EPAS1: variants seen among roughly 807,000 people sequenced by gnomAD.
EPAS1 encodes endothelial PAS domain-containing protein 1.
Under a neutral mutation model 87.9 loss-of-function variants are expected in EPAS1, and 23 were observed. The ratio of observed to expected loss-of-function variants is 0.26; its 90% CI spans 0.19 to 0.37. EPAS1 has a LOEUF of 0.37. Among genes scored for constraint, EPAS1 ranks in the 10% least tolerant of loss-of-function variants. The probability of loss-of-function intolerance (pLI) is 1.00; values close to 1 mark genes in which losing one functional copy is unlikely to be tolerated. For missense variants in EPAS1, 1,138 were observed against 1,120.7 expected (o/e 1.02, Z -0.22); for synonymous variants, 508 against 444.3 (o/e 1.14, Z -1.80).
In EPAS1 at chr2:46,375,190, C is replaced by CA. The variant is rs111768510; in HGVS notation, c.887-491dup. Among the ~76,000 whole-genome samples, 3,599 of 135,258 alleles carry CA rather than the reference C, an allele frequency of 0.027. 132 individuals carry two copies. Among genetic ancestry groups the CA allele is most frequent in the Middle Eastern group, 0.059 (15 of 256 alleles). The allele number at this position is 135,258 out of a possible 152,430, so 88.7% of individuals were successfully genotyped here. A position where few individuals can be genotyped will look rare whatever the true frequency, so the allele number is the denominator to read the frequency against. ...TGGTGGGTCTGCTGAAAAAAAAAAA[C>CA]AAAAAAAAACAAAAAAAACTGCCCT... On this transcript the variant is annotated intron_variant, in intron 7 of 15. Coordinates refer to ENST00000263734, the MANE Select transcript of EPAS1 (RefSeq NM_001430.5). This position sits in a 1 kb window ranked among gnomAD's most constrained non-coding sequence, Gnocchi z 4.1.
intron 6 of EPAS1, among the ~76,000 whole-genome samples, chr2:46,367,793 C>T (rs1409127561): frequency 6.6e-6 from 1 of 152,164 alleles, no homozygotes; most frequent in Non-Finnish European, 1.5e-5. Flanking sequence ...GCTTTAACCC[C>T]CAAATTCTCA....
At chr2:46,323,731 A>T (rs887794563) in intron 1 of EPAS1, among the ~76,000 whole-genome samples, 1 of 151,674 alleles carries the variant, frequency 6.6e-6, no homozygotes, top group African/African-American at 2.4e-5. Context: ...AGAAAGTAAT[A>T]TTTTTTTTTC....
chr2:46,374,750 T>G (rs1191140358), intron 7 of EPAS1, among the ~76,000 whole-genome samples: 1 of 152,176 alleles, frequency 6.6e-6, no homozygotes, highest in East Asian at 1.9e-4. Flanking sequence ...ATTATTAGAC[T>G]TTAAAGAGAT....
chr2:46,363,284 G>A (rs1276056237), intron 6 of EPAS1, among the ~76,000 whole-genome samples: 1 of 152,152 alleles, frequency 6.6e-6, no homozygotes, highest in Non-Finnish European at 1.5e-5. Context: ...TGCTGGGGAT[G>A]ATGAAAGTCA....
Position 46,297,626 on chromosome 2 carries a change from C to A in EPAS1, c.-286C>A. The A allele has an allele frequency of 4.1e-6, 2 of 485,000 alleles. No homozygotes were observed. Among genetic ancestry groups the A allele is most frequent in the South Asian group, 4.6e-5 (2 of 43,574 alleles). The allele number at this position is 485,000 out of a possible 1,614,324, so 30.0% of individuals were successfully genotyped here. ...TCCAGGGAAAAAGGAACTTGGGTTC[C>A]CTTCTCTCCGTCCTCTTTTCGGGTC... On this transcript the variant is annotated 5_prime_UTR_variant, in exon 1 of 16. Coordinates refer to ENST00000263734, the MANE Select transcript of EPAS1 (RefSeq NM_001430.5).
chr2:46,376,865 G>GC, intron 9 of EPAS1, 112 bp downstream of exon 9: 3 of 1,115,590 alleles, frequency 2.7e-6, no homozygotes, highest in Middle Eastern at 2.8e-4. Flanking sequence ...AGCTACCCCA[G>GC]CCCCCCAAGT....
intron 7 of EPAS1, among the ~76,000 whole-genome samples, chr2:46,374,483 C>A (rs969852950): frequency 2.0e-5 from 3 of 152,196 alleles, no homozygotes; most frequent in Admixed American, 6.5e-5. Flanking sequence ...ATCCTCAGTA[C>A]AAATGGCAGT....
intron 1 of EPAS1, among the ~76,000 whole-genome samples, chr2:46,325,528 A>G (rs1465733103): frequency 1.3e-5 from 2 of 152,194 alleles, no homozygotes; most frequent in African/African-American, 4.8e-5. Context: ...TAGTAGTTCA[A>G]CTGAGAATCC....
At chr2:46,318,584 G>A (rs77824526) in intron 1 of EPAS1, among the ~76,000 whole-genome samples, 3,765 of 152,254 alleles carry the variant, frequency 0.025, 64 homozygotes, top group Non-Finnish European at 0.033. Flanking sequence ...TTTTTATTAA[G>A]TTCCCATATT....
Position 46,371,250 on chromosome 2 carries a change from C to G in EPAS1, c.886+1317C>G, listed in dbSNP as rs189523436. 1.5e-3 allele frequency among the ~76,000 whole-genome samples: 231 copies of G among 152,246 alleles called. No homozygotes were observed. The highest frequency in any genetic ancestry group is 5.2e-3 in the African/African-American group (215 of 41,548). ...ATGGCTCCTAAATCCACCCATCTAC[C>G]CCAAGGCTAAGACAGCCAAGTTCAG... On this transcript the variant is annotated intron_variant, in intron 7 of 15. Coordinates refer to ENST00000263734, the MANE Select transcript of EPAS1 (RefSeq NM_001430.5). The surrounding 1 kb of genome is among the most constrained non-coding windows in gnomAD (Gnocchi z 4.3).
At chr2:46,353,532 T>C (rs1684212299) in intron 2 of EPAS1, among the ~76,000 whole-genome samples, 1 of 152,218 alleles carries the variant, frequency 6.6e-6, no homozygotes, top group Non-Finnish European at 1.5e-5. Context: ...TCAGAAATGT[T>C]TCTTTCAGCC....
In EPAS1 at chr2:46,376,761, C is replaced by A; in HGVS notation, c.1249+8C>A. ...TCATCTCTCTGGATTTCGGTGGGTG[C>A]TTCTTAGCTAAGCCAGGCCCCTGGA... is the stretch of plus-strand genomic sequence containing the variant. On this transcript the variant is annotated splice_region_variant and intron_variant, in intron 9 of 15. Transcript: ENST00000263734. 6.2e-7 allele frequency: 1 copy of A among 1,611,892 alleles called. No homozygotes were observed. The highest frequency in any genetic ancestry group is 8.5e-7 in the Non-Finnish European group (1 of 1,179,856).
In EPAS1 at chr2:46,375,873, G is replaced by T; in HGVS notation, c.1034+36G>T. The T allele has an allele frequency of 6.2e-7, 1 of 1,613,700 alleles. No individual in the cohort carries two copies. ...GAGGGCTGGCGGGCCTTGGTGCAGGGTATGTGGGGGTGCCCAAGCTTCCCA... is the reference window on the plus strand; with the variant it reads ...GAGGGCTGGCGGGCCTTGGTGCAGGTTATGTGGGGGTGCCCAAGCTTCCCA... On this transcript the variant is annotated intron_variant, in intron 8 of 15. Transcript: ENST00000263734. The surrounding 1 kb of genome is among the most constrained non-coding windows in gnomAD (Gnocchi z 4.1).
chr2:46,377,947 A>C lies in EPAS1; in HGVS notation c.1303A>C (p.Ser435Arg). The C allele has an allele frequency of 6.4e-7, 1 of 1,559,634 alleles. No homozygotes were observed. The highest frequency in any genetic ancestry group is 8.7e-7 in the Non-Finnish European group (1 of 1,151,406). ...SAYGKAILPP[S>R]QPWATELRSH... ...CTATGGCAAGGCCATCCTGCCCCCG[A>C]GCCAGCCATGGGCCACGGAGTTGAG... Residue 435 changes from serine to arginine, a missense_variant, in exon 10 of 16, where the codon AGC becomes CGC. Physicochemically the swap from Ser to Arg is moderately radical, Grantham distance 110. Transcript: ENST00000263734.
At chr2:46,357,658 G>A (rs1051300329) in intron 4 of EPAS1, among the ~76,000 whole-genome samples, 1 of 152,222 alleles carries the variant, frequency 6.6e-6, no homozygotes, top group East Asian at 1.9e-4. Flanking sequence ...GGCATGGCTT[G>A]TTGGAGCTAC....
chr2:46,332,285 A>AAAT (rs1683695219), intron 1 of EPAS1, among the ~76,000 whole-genome samples: 1 of 138,676 alleles, frequency 7.2e-6, no homozygotes, highest in African/African-American at 2.7e-5. Flanking sequence ...AAAAAAAAAA[A>AAAT]AAATACGTGT....
At chr2:46,367,877 A>G (rs1022309593) in intron 6 of EPAS1, among the ~76,000 whole-genome samples, 1 of 152,248 alleles carries the variant, frequency 6.6e-6, no homozygotes, top group African/African-American at 2.4e-5. Context: ...AAGGATGGAT[A>G]GACTATCATG....
At chr2:46,318,633 C>G (rs1300903475) in intron 1 of EPAS1, among the ~76,000 whole-genome samples, 1 of 152,180 alleles carries the variant, frequency 6.6e-6, no homozygotes, top group East Asian at 1.9e-4. Context: ...GTGTTGTACC[C>G]TAACCTCTTC....
In EPAS1 at chr2:46,337,858, T is replaced by C. The variant is rs1194486892; in HGVS notation, c.27-9015T>C. Among the ~76,000 whole-genome samples the C allele has an allele frequency of 3.9e-5, 6 of 152,306 alleles. No homozygotes were observed. The East Asian group carries it at 1.2e-3, about 29-fold the overall frequency. ...CTCCGCAAGCAAAGCACAAACCTTT[T>C]TTTTTTCTTTTTCTTTTAAAGACAG... On this transcript the variant is annotated intron_variant, in intron 1 of 15. Coordinates refer to ENST00000263734, the MANE Select transcript of EPAS1 (RefSeq NM_001430.5).
Sources: allele counts gnomAD v4.1 joint callset (sites outside exome capture counted in the v4.1 genomes callset), GRCh38; gene constraint gnomAD v4.1.1; non-coding constraint Gnocchi (gnomAD v3.1); transcripts MANE v1.5; gene names NCBI Gene and HGNC (gene_info 2026-07-23, HGNC 2026-07-21).